ZNF169: variants seen among roughly 807,000 people sequenced by gnomAD.
ZNF169 encodes zinc finger protein 169.
A neutral mutation model predicts 12.0 loss-of-function variants in ZNF169; 11 were observed. The ratio of observed to expected loss-of-function variants is 0.92; its 90% CI spans 0.58 to 1.52. The LOEUF is 1.52. ZNF169 is among the 40% of genes most tolerant of loss of function. The pLI, the probability that ZNF169 is intolerant of heterozygous loss-of-function variation, is 0.00. For missense variants in ZNF169, 722 were observed against 744.0 expected (o/e 0.97, Z 0.34); for synonymous variants, 302 against 286.5 (o/e 1.05, Z -0.55).
intron 1 of ZNF169, among the ~76,000 whole-genome samples, chr9:94,278,488 C>G (rs961255922): frequency 3.3e-5 from 5 of 152,168 alleles, no homozygotes; most frequent in African/African-American, 1.2e-4. Flanking sequence ...AGGCCTTTTT[C>G]TTTTAATGGA....
Position 94,300,364 on chromosome 9 carries a change from G to A in ZNF169, c.806G>A (p.Arg269His), listed in dbSNP as rs779140159. The A allele has an allele frequency of 2.4e-5, 39 of 1,613,734 alleles. No homozygotes were observed. Among genetic ancestry groups the A allele is most frequent in the Admixed American group, 1.0e-4 (6 of 59,966 alleles). ...EKPYLCPECG[R>H]RFSQKASLSI... is the part of the protein sequence containing the mutation. Reference sequence around the variant, plus strand: ...CCATACCTGTGTCCTGAGTGTGGGCGTCGGTTTAGCCAGAAGGCCTCCCTC... The same window carrying A: ...CCATACCTGTGTCCTGAGTGTGGGCATCGGTTTAGCCAGAAGGCCTCCCTC... Residue 269 changes from arginine (R) to histidine (H), a missense_variant, in exon 5 of 5, where the codon CGT becomes CAT. Transcript: ENST00000395395.
intron 1 of ZNF169, among the ~76,000 whole-genome samples, chr9:94,267,423 T>C (rs1224026594): frequency 6.6e-6 from 1 of 152,224 alleles, no homozygotes; most frequent in Admixed American, 6.5e-5. Flanking sequence ...TTTCCAATTG[T>C]GTCCTGTTAC....
Position 94,301,425 on chromosome 9 carries a change from G to T in ZNF169, c.*55G>T. 1 of 1,486,520 alleles carries T rather than the reference G, an allele frequency of 6.7e-7. No individual in the cohort carries two copies. The highest frequency in any genetic ancestry group is 8.9e-7 in the Non-Finnish European group (1 of 1,117,430). 92.1% of individuals were successfully genotyped at this position (1,486,520 alleles called of 1,614,324 possible). On this transcript the variant is annotated 3_prime_UTR_variant, in exon 5 of 5. Coordinates refer to ENST00000395395, the MANE Select transcript of ZNF169 (RefSeq NM_194320.4). The stretch of plus-strand genomic sequence containing the variant: ...GCAGAAATCACTAGTAAATGCTTCA[G>T]TTTCCTGAAATGGAATGGAAAAAAA...
Position 94,300,049 on chromosome 9 carries a change from T to A in ZNF169, c.491T>A (p.Phe164Tyr). 1 of 1,613,950 alleles carries A rather than the reference T, an allele frequency of 6.2e-7. No homozygotes were observed. The highest frequency in any genetic ancestry group is 8.5e-7 in the Non-Finnish European group (1 of 1,179,992). Reference sequence around the variant, plus strand: ...AGGCCAAGCAGAATTTCTAGGACATTCTTCAGCCCACATCAAGGTGACCCA... The same window carrying A: ...AGGCCAAGCAGAATTTCTAGGACATACTTCAGCCCACATCAAGGTGACCCA... The part of the protein sequence containing the change: ...RKRPSRISRT[F>Y]FSPHQGDPVE... Residue 164 changes from phenylalanine to tyrosine, a missense_variant, in exon 5 of 5, where the codon TTC becomes TAC. Phe to Tyr is a conservative substitution (Grantham distance 22). Transcript: ENST00000395395.
At chr9:94,279,162 C>A (rs541148552) in intron 2 of ZNF169, among the ~76,000 whole-genome samples, 34 of 152,092 alleles carry the variant, frequency 2.2e-4, no homozygotes, top group African/African-American at 7.2e-4. Flanking sequence ...GAGGCCGAGG[C>A]GGGAGGATCA....
intron 1 of ZNF169, among the ~76,000 whole-genome samples, chr9:94,263,531 T>A (rs977133327): frequency 3.9e-5 from 6 of 151,996 alleles, no homozygotes; most frequent in African/African-American, 1.4e-4. Context: ...TTTTTTTTTT[T>A]TAATCTATTC....
At chr9:94,294,169 G>T (rs2118652136) in intron 4 of ZNF169, 1 of 152,354 alleles carries the variant, frequency 6.6e-6, no homozygotes, top group South Asian at 2.1e-4. Context: ...GCCAGGTGCA[G>T]TGGCTCACAC....
chr9:94,290,542 G>T (rs1830808463), intron 2 of ZNF169, among the ~76,000 whole-genome samples: 1 of 152,112 alleles, frequency 6.6e-6, no homozygotes, highest in Non-Finnish European at 1.5e-5. Context: ...TATTTTCAAG[G>T]CTTGTCTCTT....
At position 94,300,044 on chromosome 9, in the gene ZNF169, G is replaced by C. The variant is rs1432106731; in HGVS notation, c.486G>C (p.Arg162Ser). 3 of 1,614,098 alleles carry C rather than the reference G, an allele frequency of 1.9e-6. No individual in the cohort carries two copies. The highest frequency in any genetic ancestry group is 2.5e-6 in the Non-Finnish European group (3 of 1,180,028). ...GAAAGAGGCCAAGCAGAATTTCTAG[G>C]ACATTCTTCAGCCCACATCAAGGTG... ...SLRKRPSRIS[R>S]TFFSPHQGDP... Residue 162 changes from arginine (R) to serine (S), a missense_variant, in exon 5 of 5, where the codon AGG becomes AGC. Coordinates refer to ENST00000395395, the MANE Select transcript of ZNF169 (RefSeq NM_194320.4).
At chr9:94,290,285 A>G (rs944560809) in intron 2 of ZNF169, among the ~76,000 whole-genome samples, 1 of 152,236 alleles carries the variant, frequency 6.6e-6, no homozygotes, top group African/African-American at 2.4e-5. Flanking sequence ...AATTGACTAT[A>G]TATTTTTACA....
chr9:94,274,379 A>C (rs1830485121), intron 1 of ZNF169, among the ~76,000 whole-genome samples: 1 of 152,222 alleles, frequency 6.6e-6, no homozygotes, highest in Non-Finnish European at 1.5e-5. Context: ...CACCGAGTTC[A>C]AAATATTTTC....
At chr9:94,280,725 A>G (rs920861254) in intron 2 of ZNF169, among the ~76,000 whole-genome samples, 33 of 152,242 alleles carry the variant, frequency 2.2e-4, no homozygotes, top group African/African-American at 6.5e-4. Flanking sequence ...CCTGTTGGCT[A>G]GGGTTGGACC....
intron 2 of ZNF169, among the ~76,000 whole-genome samples, chr9:94,279,727 A>G (rs1830593190): frequency 6.6e-6 from 1 of 152,108 alleles, no homozygotes; most frequent in South Asian, 2.1e-4. Context: ...ACCGTGTGGG[A>G]AGCTTTCAAC....
At position 94,296,099 on chromosome 9, in the gene ZNF169, C is replaced by T. The variant is rs371228810; in HGVS notation, c.256+3030C>T. On this transcript the variant is annotated intron_variant, in intron 4 of 4. Transcript: ENST00000395395. ...AGCTGTGTAGTGAGTGGCATCTTAC[C>T]GTGGTTTTAACATTTTCTTAATGAC... 2.6e-5 allele frequency among the ~76,000 whole-genome samples: 4 copies of T among 152,228 alleles called. No homozygotes were observed. In the East Asian group the frequency reaches 5.8e-4, roughly 22 times the overall value.
intron 2 of ZNF169, 144 bp from the exon 3 acceptor site, chr9:94,292,197 A>C: frequency 7.6e-7 from 1 of 1,324,172 alleles, no homozygotes; most frequent in Non-Finnish European, 1.1e-6. Context: ...ATATGGAACC[A>C]GGTTTCAGGT....
At chr9:94,262,561 C>T (rs1284228445) in intron 1 of ZNF169, among the ~76,000 whole-genome samples, 2 of 151,996 alleles carry the variant, frequency 1.3e-5, no homozygotes, top group African/African-American at 2.4e-5. Context: ...CAAGTTCAAG[C>T]GATTCTCCTG....
chr9:94,278,162 C>G (rs185289035), intron 1 of ZNF169, among the ~76,000 whole-genome samples: 1 of 152,174 alleles, frequency 6.6e-6, no homozygotes, highest in Non-Finnish European at 1.5e-5. Context: ...TTAAAAATCT[C>G]TTTATGAAAT....
At chr9:94,295,656 G>A (rs190093163) in intron 4 of ZNF169, 1 of 152,160 alleles carries the variant, frequency 6.6e-6, no homozygotes, top group African/African-American at 2.4e-5. Flanking sequence ...GGATTATACA[G>A]GATACAACTG....
intron 1 of ZNF169, among the ~76,000 whole-genome samples, chr9:94,270,818 A>T (rs1190543049): frequency 2.1e-4 from 4 of 19,438 alleles, no homozygotes; most frequent in Non-Finnish European, 4.1e-4. Context: ...TATATTATAT[A>T]AATATATATA....
Sources: gnomAD v4.1 joint callset for allele counts (sites outside exome capture counted in the v4.1 genomes callset) on GRCh38, gnomAD v4.1.1 for gene constraint, MANE v1.5 for transcripts, NCBI Gene and HGNC (gene_info 2026-07-23, HGNC 2026-07-21) for gene names.